BICC1: variants seen among roughly 807,000 people sequenced by gnomAD.
BICC1 encodes the protein BicC family RNA binding protein 1.
A neutral mutation model predicts 111.0 loss-of-function variants in BICC1; 43 were observed. That is an observed-to-expected ratio of 0.39 (90% CI 0.30 to 0.50). The LOEUF (loss-of-function observed/expected upper bound fraction) is 0.50. BICC1 is among the 20% of genes least tolerant of loss of function. The pLI, the probability that BICC1 is intolerant of heterozygous loss-of-function variation, is 0.88. For synonymous variants in BICC1, 467 were observed against 434.4 expected (o/e 1.07, Z -0.93); for missense variants, 1,091 against 1,203.2 (o/e 0.91, Z 1.38).
At chr10:58,729,180 A>ACACC (rs1841208520) in intron 3 of BICC1, among the ~76,000 whole-genome samples, 4 of 152,174 alleles carry the variant, frequency 2.6e-5, no homozygotes, top group Admixed American at 2.6e-4. Flanking sequence ...GTTCTAGATG[A>ACACC]CACCTTTTTT....
At chr10:58,628,650 G>T (rs1171606252) in intron 2 of BICC1, among the ~76,000 whole-genome samples, 1 of 152,106 alleles carries the variant, frequency 6.6e-6, no homozygotes, top group Non-Finnish European at 1.5e-5. Context: ...CAATATCTGG[G>T]TATAGTGTTT....
At chr10:58,814,019 A>G (rs772561192) in intron 18 of BICC1, 33 bp downstream of exon 18, 1 of 1,611,744 alleles carries the variant, frequency 6.2e-7, no homozygotes, top group East Asian at 2.2e-5. Context: ...ACTTTTAGGT[A>G]TCCCCAGATT....
chr10:58,589,297 T>G (rs553635654), intron 1 of BICC1, among the ~76,000 whole-genome samples: 1 of 152,230 alleles, frequency 6.6e-6, no homozygotes, highest in Admixed American at 6.5e-5. Flanking sequence ...TGTCACAGGG[T>G]CAGCTTCTGG....
At chr10:58,661,641 T>A (rs1838848522) in intron 2 of BICC1, among the ~76,000 whole-genome samples, 1 of 152,114 alleles carries the variant, frequency 6.6e-6, no homozygotes, top group Non-Finnish European at 1.5e-5. Flanking sequence ...TGTGTTCGGG[T>A]TGTGCTCATT....
intron 3 of BICC1, among the ~76,000 whole-genome samples, chr10:58,772,380 A>C (rs559327496): frequency 4.6e-4 from 70 of 152,262 alleles, no homozygotes; most frequent in Non-Finnish European, 8.5e-4. Flanking sequence ...TGTCTCTTAT[A>C]ATAGTAACTG....
chr10:58,668,249 T>G (rs1202248881), intron 2 of BICC1, among the ~76,000 whole-genome samples: 1 of 152,122 alleles, frequency 6.6e-6, no homozygotes, highest in African/African-American at 2.4e-5. Context: ...TGCACCAATT[T>G]ATACAAAAAG....
chr10:58,801,178 T>TA, intron 14 of BICC1, 132 bp downstream of exon 14: 1 of 751,488 alleles, frequency 1.3e-6, no homozygotes, highest in Non-Finnish European at 1.9e-6. Flanking sequence ...TTTAACTTTT[T>TA]TAAAAAAAAT....
chr10:58,612,316 A>T (rs899688104), intron 1 of BICC1, among the ~76,000 whole-genome samples: 2 of 152,186 alleles, frequency 1.3e-5, no homozygotes, highest in African/African-American at 4.8e-5. Flanking sequence ...ATGTATAGAA[A>T]CTGCATCTTC....
At chr10:58,632,842 C>CATAG (rs897142387) in intron 2 of BICC1, among the ~76,000 whole-genome samples, 1 of 143,998 alleles carries the variant, frequency 6.9e-6, no homozygotes, top group Non-Finnish European at 1.6e-5. Context: ...AAAGGTTTTA[C>CATAG]ATAGATAGAT....
chr10:58,793,529 G>A lies in BICC1; in HGVS notation c.1093G>A (p.Glu365Lys), dbSNP rs1254480489. 3 of 1,613,162 alleles carry A rather than the reference G, an allele frequency of 1.9e-6. No homozygotes were observed. Among genetic ancestry groups the A allele is most frequent in the South Asian group, 1.1e-5 (1 of 90,976 alleles). ...GATGTTTGATATGAAGGAAGAAATT[G>A]AAGTAGATCCACAATTCATTGCGCA... ...VLMFDMKEEIEVDPQFIAQLM... is the reference protein window; with the variant it reads ...VLMFDMKEEIKVDPQFIAQLM... Residue 365 changes from glutamate to lysine, a missense_variant, in exon 9 of 21, where the codon GAA (glutamate) becomes AAA (lysine). Coordinates refer to ENST00000373886, the MANE Select transcript of BICC1 (RefSeq NM_001080512.3).
chr10:58,721,539 G>A (rs2393496), intron 3 of BICC1, among the ~76,000 whole-genome samples: 1,975 of 152,170 alleles, frequency 0.013, 38 homozygotes, highest in African/African-American at 0.046. Flanking sequence ...TTTAGAATTC[G>A]TGGCTTGTTT....
At chr10:58,737,296 T>G (rs1841501140) in intron 3 of BICC1, among the ~76,000 whole-genome samples, 1 of 152,144 alleles carries the variant, frequency 6.6e-6, no homozygotes, top group African/African-American at 2.4e-5. Context: ...CCCCTTCCTG[T>G]GTCCATGTGT....
intron 3 of BICC1, among the ~76,000 whole-genome samples, chr10:58,705,932 G>T (rs1295303260): frequency 6.6e-6 from 1 of 152,132 alleles, no homozygotes; most frequent in Non-Finnish European, 1.5e-5. Context: ...AGAATTTAAG[G>T]TTCAGTATAA....
intron 1 of BICC1, among the ~76,000 whole-genome samples, chr10:58,592,220 C>T (rs779100964): frequency 7.9e-5 from 12 of 152,098 alleles, no homozygotes; most frequent in Non-Finnish European, 7.4e-5. Context: ...CCCTGTATAG[C>T]CGAGTATTAC....
At chr10:58,665,825 T>C (rs968579896) in intron 2 of BICC1, among the ~76,000 whole-genome samples, 24 of 152,218 alleles carry the variant, frequency 1.6e-4, no homozygotes, top group African/African-American at 5.8e-4. Context: ...TTTACCCGTC[T>C]ATTTCTTTGT....
At chr10:58,549,589 ATCT>A (rs1174798608) in intron 1 of BICC1, among the ~76,000 whole-genome samples, 1 of 147,036 alleles carries the variant, frequency 6.8e-6, no homozygotes, top group Non-Finnish European at 1.5e-5. Flanking sequence ...TCATCTATGT[ATCT>A]TCTTTGGTGA....
chr10:58,768,368 G>A (rs1405465504), intron 3 of BICC1, among the ~76,000 whole-genome samples: 1 of 152,176 alleles, frequency 6.6e-6, no homozygotes, highest in Non-Finnish European at 1.5e-5. Context: ...GCTGTCCTTT[G>A]TAAAGGAAGG....
At chr10:58,727,311 G>C (rs543834407) in intron 3 of BICC1, among the ~76,000 whole-genome samples, 1 of 152,114 alleles carries the variant, frequency 6.6e-6, no homozygotes. Context: ...TTCAGGCTGC[G>C]CACAATGGCT....
intron 2 of BICC1, among the ~76,000 whole-genome samples, chr10:58,690,154 T>A (rs1447612653): frequency 1.3e-5 from 2 of 152,162 alleles, no homozygotes; most frequent in Non-Finnish European, 2.9e-5. Flanking sequence ...ACACACCCCC[T>A]TCCTTAATCC....
Sources: allele counts gnomAD v4.1 joint callset (sites outside exome capture counted in the v4.1 genomes callset), GRCh38; gene constraint gnomAD v4.1.1; transcripts MANE v1.5; gene names NCBI Gene and HGNC (gene_info 2026-07-23, HGNC 2026-07-21).